SAMD3: variants seen among roughly 807,000 people sequenced by gnomAD.
The protein encoded by SAMD3 is sterile alpha motif domain-containing protein 3.
SAMD3 carries 63 observed loss-of-function variants against 58.5 expected under a neutral mutation model. The observed-to-expected ratio is 1.08, with a 90% CI of 0.88 to 1.33. SAMD3 has a LOEUF of 1.33. Ranked by LOEUF, SAMD3 falls within the 40% of genes most tolerant of loss-of-function variation. The pLI is 0.00. For synonymous variants in SAMD3, 220 were observed against 210.3 expected (o/e 1.05, Z -0.40); for missense variants, 604 against 608.4 (o/e 0.99, Z 0.08).
chr6:130,208,881 C>T (rs772207881), intron 5 of SAMD3, among the ~76,000 whole-genome samples: 10 of 152,092 alleles, frequency 6.6e-5, no homozygotes, highest in Non-Finnish European at 1.3e-4. Flanking sequence ...GGTTGGGAAC[C>T]GCTATTCTAG....
downstream of SAMD3, chr6:130,143,242 T>G (rs527651123): frequency 5.8e-4 from 88 of 152,324 alleles, no homozygotes; most frequent in African/African-American, 2.1e-3. Flanking sequence ...ACCTTTCTTT[T>G]GTTTTTGTTT....
chr6:130,168,307 T>C (rs988288360), intron 8 of SAMD3, among the ~76,000 whole-genome samples: 3 of 152,110 alleles, frequency 2.0e-5, no homozygotes, highest in Non-Finnish European at 4.4e-5. Context: ...TGGTGTTGCA[T>C]GCCTGTAATC....
chr6:130,187,802 T>C (rs907023750), intron 5 of SAMD3, among the ~76,000 whole-genome samples: 40 of 152,230 alleles, frequency 2.6e-4, no homozygotes, highest in African/African-American at 9.6e-4. Context: ...GTTATATTAC[T>C]GTTCCCACCT....
intron 5 of SAMD3, among the ~76,000 whole-genome samples, chr6:130,205,154 T>TAA (rs10680576): frequency 0.23 from 31,355 of 138,034 alleles, 4,238 homozygotes; most frequent in East Asian, 0.46. Context: ...TTTGGCTCTG[T>TAA]AAAAAAAAAA....
intron 2 of SAMD3, among the ~76,000 whole-genome samples, chr6:130,289,469 T>A (rs1044998785): frequency 6.0e-5 from 9 of 148,888 alleles, no homozygotes; most frequent in Admixed American, 4.8e-4. Context: ...CTTATTTATT[T>A]GAGAGGTAGT....
At chr6:130,179,810 C>CTT (rs71028199) in intron 7 of SAMD3, among the ~76,000 whole-genome samples, 3,239 of 116,120 alleles carry the variant, frequency 0.028, 178 homozygotes, top group African/African-American at 0.065. Flanking sequence ...TGTCCTTATT[C>CTT]TTTTTTTTTT....
chr6:130,194,252 CT>C (rs1320186655), intron 5 of SAMD3, among the ~76,000 whole-genome samples: 6 of 152,196 alleles, frequency 3.9e-5, no homozygotes, highest in East Asian at 1.9e-4. Context: ...CATTTAGACT[CT>C]TTTTCGTCAA....
intron 8 of SAMD3, among the ~76,000 whole-genome samples, chr6:130,171,267 C>A (rs1370449825): frequency 6.6e-6 from 1 of 152,154 alleles, no homozygotes; most frequent in African/African-American, 2.4e-5. Flanking sequence ...GTTGAACCAG[C>A]CTTGCACACC....
At chr6:130,284,113 A>C (rs1247697797) in intron 2 of SAMD3, among the ~76,000 whole-genome samples, 2 of 152,194 alleles carry the variant, frequency 1.3e-5, no homozygotes, top group African/African-American at 4.8e-5. Context: ...TCAGCCTCCC[A>C]AAGTGTTGGG....
intron 2 of SAMD3, among the ~76,000 whole-genome samples, chr6:130,304,194 T>C (rs970208495): frequency 6.6e-6 from 1 of 152,138 alleles, no homozygotes; most frequent in Non-Finnish European, 1.5e-5. Context: ...AATTTTCCCA[T>C]TGATCTGAAG....
chr6:130,336,291 GA>G (rs1234535381), intron 1 of SAMD3, among the ~76,000 whole-genome samples: 2 of 152,052 alleles, frequency 1.3e-5, no homozygotes, highest in African/African-American at 4.8e-5. Context: ...TACAGATAAG[GA>G]AAATGAGGTT....
intron 2 of SAMD3, among the ~76,000 whole-genome samples, chr6:130,267,199 G>A (rs1052093064): frequency 2.0e-5 from 3 of 152,218 alleles, no homozygotes; most frequent in East Asian, 1.9e-4. Context: ...ACATGTGCCC[G>A]TGCAAGTGTG....
chr6:130,304,926 CTTTTTT>C (rs777084920), intron 2 of SAMD3, among the ~76,000 whole-genome samples: 1 of 103,376 alleles, frequency 9.7e-6, no homozygotes, highest in African/African-American at 4.0e-5. Context: ...CATTTTCTTC[CTTTTTT>C]TTTTTTTTTT....
chr6:130,287,164 G>T (rs1443576368), intron 2 of SAMD3, among the ~76,000 whole-genome samples: 1 of 152,120 alleles, frequency 6.6e-6, no homozygotes, highest in Non-Finnish European at 1.5e-5. Context: ...TTGCTGTAAT[G>T]ATCTTTACCT....
In SAMD3 at chr6:130,301,910, A is replaced by G. The variant is rs184019333; in HGVS notation, c.-188+11068T>C. Among the ~76,000 whole-genome samples the G allele has an allele frequency of 2.4e-3, 358 of 152,288 alleles. 1 individual carries two copies. The highest frequency in any genetic ancestry group is 3.7e-3 in the Non-Finnish European group (252 of 68,018). ...GAGTATCCATACACAGAAGAATGAA[A>G]CTGGACCCCCACCTCTCACCATATA... is the stretch of plus-strand genomic sequence containing the variant. On this transcript the variant is annotated intron_variant, in intron 2 of 13. Transcript: ENST00000368134.
intron 2 of SAMD3, among the ~76,000 whole-genome samples, chr6:130,234,278 G>A (rs911495445): frequency 4.0e-5 from 6 of 151,372 alleles, no homozygotes; most frequent in African/African-American, 1.5e-4. Context: ...TATTTGAAAC[G>A]GTGTTTCACT....
chr6:130,353,420 A>C (rs1286745837), intron 1 of SAMD3, among the ~76,000 whole-genome samples: 2 of 152,170 alleles, frequency 1.3e-5, no homozygotes, highest in East Asian at 3.8e-4. Context: ...TTAGGTTATT[A>C]ATTTTTGTAT....
intron 5 of SAMD3, among the ~76,000 whole-genome samples, chr6:130,201,238 C>A (rs1354627719): frequency 6.6e-6 from 1 of 152,136 alleles, no homozygotes; most frequent in Non-Finnish European, 1.5e-5. Flanking sequence ...ACTATGTATA[C>A]CTGATCAAAT....
intron 2 of SAMD3, among the ~76,000 whole-genome samples, chr6:130,259,226 A>T (rs1215776927): frequency 1.3e-5 from 2 of 152,168 alleles, no homozygotes; most frequent in African/African-American, 4.8e-5. Flanking sequence ...TTTATTTTTT[A>T]AAAAAGGTTT....
Sources: gnomAD v4.1 joint callset for allele counts (sites outside exome capture counted in the v4.1 genomes callset) on GRCh38, gnomAD v4.1.1 for gene constraint, MANE v1.5 for transcripts, NCBI Gene and HGNC (gene_info 2026-07-23, HGNC 2026-07-21) for gene names.